Variants in PHAF1 observed in about 807,000 individuals in gnomAD.
PHAF1 encodes phagosome assembly factor 1.
A neutral mutation model predicts 63.1 loss-of-function variants in PHAF1; 23 were observed. The ratio of observed to expected loss-of-function variants is 0.36; its 90% CI spans 0.26 to 0.52. The LOEUF is 0.52. Ranked by LOEUF, PHAF1 falls within the 20% of genes least tolerant of loss-of-function variation. The pLI is 0.93. For synonymous variants in PHAF1, 167 were observed against 185.0 expected (o/e 0.90, Z 0.79); for missense variants, 427 against 517.2 (o/e 0.83, Z 1.69).
chr16:67,116,992 C>T (rs913363917), intron 1 of PHAF1, among the ~76,000 whole-genome samples: 1 of 152,174 alleles, frequency 6.6e-6, no homozygotes. Context: ...GGACCTGTCT[C>T]TATGTGTGTT....
chr16:67,136,546 A>G lies in PHAF1; in HGVS notation c.661+2079A>G, dbSNP rs577718295. On this transcript the variant is annotated intron_variant, in intron 8 of 15. Transcript: ENST00000219139. ...GGGTTCCTGCATCAGTCTCTGAGGC[A>G]TTGATTCCTTTTTTTTTTTTTTTTT... Among the ~76,000 whole-genome samples, 14 of 100,338 alleles carry G rather than the reference A, an allele frequency of 1.4e-4. No homozygotes were observed. In the South Asian group the frequency reaches 4.2e-3, roughly 30 times the overall value. 65.8% of individuals were successfully genotyped at this position (100,338 alleles called of 152,430 possible). A position where few individuals can be genotyped will look rare whatever the true frequency, so the allele number is the denominator to read the frequency against.
chr16:67,117,855 C>T (rs1597185142), intron 1 of PHAF1, among the ~76,000 whole-genome samples: 4 of 151,186 alleles, frequency 2.6e-5, no homozygotes, highest in African/African-American at 9.7e-5. Context: ...CTCTGTCACC[C>T]AGGCCAGAGT....
intron 5 of PHAF1, 121 bp downstream of exon 5, chr16:67,132,646 T>C: frequency 7.8e-7 from 1 of 1,274,772 alleles, no homozygotes; most frequent in Middle Eastern, 1.8e-4. Context: ...GTGGGGTTGG[T>C]ACTTGGGTGT....
chr16:67,144,756 C>T (rs1963930747), intron 11 of PHAF1, 78 bp from the exon 12 acceptor site: 1 of 1,495,998 alleles, frequency 6.7e-7, no homozygotes, highest in Admixed American at 1.7e-5. Context: ...TCTGTTTCTC[C>T]TGGGGTGTGG....
chr16:67,126,949 T>C (rs1963217476), intron 3 of PHAF1, among the ~76,000 whole-genome samples: 1 of 142,162 alleles, frequency 7.0e-6, no homozygotes, highest in African/African-American at 2.7e-5. Flanking sequence ...CGTGAAGTGG[T>C]GCAATCTTGG....
In PHAF1 at chr16:67,147,157, T is replaced by C; in HGVS notation, c.*26T>C. 1.3e-6 allele frequency: 2 copies of C among 1,579,494 alleles called. No individual in the cohort carries two copies. Among genetic ancestry groups the C allele is most frequent in the Non-Finnish European group, 8.7e-7 (1 of 1,148,748 alleles). The stretch of plus-strand genomic sequence containing the variant: ...GGACACCACCACCCATGCCCCTCTG[T>C]CCCGTGGAACTGTGCATCACATCCT... On this transcript the variant is annotated 3_prime_UTR_variant, in exon 16 of 16. Transcript: ENST00000219139.
intron 10 of PHAF1, 113 bp from the exon 11 acceptor site, chr16:67,144,180 AG>A (rs10717954): frequency 0.02 from 14,016 of 700,928 alleles, 1,026 homozygotes; most frequent in African/African-American, 0.19. Flanking sequence ...TGATGCCTGC[AG>A]GCATTCTTGC....
At chr16:67,126,876 C>A (rs2145848488) in intron 3 of PHAF1, among the ~76,000 whole-genome samples, 1 of 151,212 alleles carries the variant, frequency 6.6e-6, no homozygotes, top group African/African-American at 2.4e-5. Context: ...GCGTGAGCCA[C>A]CATGACCAGC....
intron 3 of PHAF1, 150 bp from the exon 4 acceptor site, chr16:67,131,136 A>G (rs786359): frequency 4.3e-6 from 2 of 465,966 alleles, no homozygotes; most frequent in East Asian, 4.1e-5. Flanking sequence ...AAATGAGAAC[A>G]AAAGATAACA....
chr16:67,144,520 T>C (rs1423936506), intron 11 of PHAF1, 144 bp downstream of exon 11: 4 of 680,272 alleles, frequency 5.9e-6, no homozygotes, highest in African/African-American at 5.4e-5. Context: ...TCCTGAGTGC[T>C]TGCTGTGTTC....
chr16:67,127,522 T>C (rs1963238676), intron 3 of PHAF1, among the ~76,000 whole-genome samples: 1 of 151,962 alleles, frequency 6.6e-6, no homozygotes. Context: ...TGGAGCCGGG[T>C]GCAGTGGCTC....
chr16:67,113,591 A>C (rs1962613351), intron 1 of PHAF1, among the ~76,000 whole-genome samples: 3 of 150,956 alleles, frequency 2.0e-5, no homozygotes, highest in South Asian at 4.2e-4. Context: ...CTGGGACTAC[A>C]GGCGCCCGCC....
chr16:67,115,680 C>A (rs1224849758), intron 1 of PHAF1, among the ~76,000 whole-genome samples: 1 of 152,222 alleles, frequency 6.6e-6, no homozygotes, highest in African/African-American at 2.4e-5. Flanking sequence ...CTTTGCCATT[C>A]ATATAGTTAG....
At chr16:67,139,210 C>T (rs1453196109) in intron 8 of PHAF1, among the ~76,000 whole-genome samples, 1 of 151,978 alleles carries the variant, frequency 6.6e-6, no homozygotes, top group Admixed American at 6.6e-5. Context: ...GCAAGAGCCA[C>T]CACACCCGGC....
rs1419730884 is a variant in PHAF1, at chr16:67,148,388, C to A, written c.*1257C>A. 6.6e-6 allele frequency: 1 copy of A among 152,646 alleles called. No individual in the cohort carries two copies. Among genetic ancestry groups the A allele is most frequent in the African/African-American group, 2.4e-5 (1 of 41,452 alleles). 9.5% of individuals were successfully genotyped at this position (152,646 alleles called of 1,614,324 possible). On this transcript the variant is annotated 3_prime_UTR_variant, in exon 16 of 16. Transcript: ENST00000219139. Reference sequence around the variant, plus strand: ...ACTGTGGCCTGGCCAGAGCCCCTTGCATATCCCCACTGTCAGGGGCAGCCA... The same window carrying A: ...ACTGTGGCCTGGCCAGAGCCCCTTGAATATCCCCACTGTCAGGGGCAGCCA...
chr16:67,113,902 G>A (rs886186434), intron 1 of PHAF1, among the ~76,000 whole-genome samples: 1 of 151,640 alleles, frequency 6.6e-6, no homozygotes, highest in Non-Finnish European at 1.5e-5. Context: ...GGGGTTTCAC[G>A]ATGTTGACCA....
rs191410992 is a variant in PHAF1, at chr16:67,148,396, C to T, written c.*1265C>T. On this transcript the variant is annotated 3_prime_UTR_variant, in exon 16 of 16. Coordinates refer to ENST00000219139, the MANE Select transcript of PHAF1 (RefSeq NM_025187.5). Reference sequence around the variant, plus strand: ...CTGGCCAGAGCCCCTTGCATATCCCCACTGTCAGGGGCAGCCAGGACTGTT... The same window carrying T: ...CTGGCCAGAGCCCCTTGCATATCCCTACTGTCAGGGGCAGCCAGGACTGTT... The T allele has an allele frequency of 6.5e-6, 1 of 152,766 alleles. No homozygotes were observed. Among genetic ancestry groups the T allele is most frequent in the African/African-American group, 2.4e-5 (1 of 41,576 alleles). 9.5% of individuals were successfully genotyped at this position (152,766 alleles called of 1,614,324 possible).
At chr16:67,115,761 C>T (rs909852492) in intron 1 of PHAF1, among the ~76,000 whole-genome samples, 5 of 152,196 alleles carry the variant, frequency 3.3e-5, no homozygotes, top group African/African-American at 1.2e-4. Flanking sequence ...ATGGCTGCTT[C>T]GTCTCCTCTG....
In PHAF1 at chr16:67,146,994, C is replaced by T. The variant is rs767714626; in HGVS notation, c.1183-51C>T. The stretch of plus-strand genomic sequence containing the variant: ...TCCAGCCCTCATGCACAGGATCTGC[C>T]TACATCCCTTTACCTCTCCCCCTTG... On this transcript the variant is annotated intron_variant, in intron 15 of 15. Coordinates refer to ENST00000219139, the MANE Select transcript of PHAF1 (RefSeq NM_025187.5). 3.3e-6 allele frequency: 5 copies of T among 1,508,534 alleles called. No homozygotes were observed. The African/African-American group carries it at 6.9e-5, about 21-fold the overall frequency. The allele number at this position is 1,508,534 out of a possible 1,614,324, so 93.4% of individuals were successfully genotyped here.
Sources: gnomAD v4.1 joint callset for allele counts (sites outside exome capture counted in the v4.1 genomes callset) on GRCh38, gnomAD v4.1.1 for gene constraint, MANE v1.5 for transcripts, NCBI Gene and HGNC (gene_info 2026-07-23, HGNC 2026-07-21) for gene names.